The following MICAL1 variants were observed in gnomAD, a reference collection of about 807,000 sequenced individuals.
MICAL1 encodes the protein microtubule associated monooxygenase, calponin and LIM domain containing 1.
In MICAL1, 95 loss-of-function variants were observed where a neutral mutation model predicts 131.8. The ratio of observed to expected loss-of-function variants is 0.72; its 90% CI spans 0.61 to 0.86. The LOEUF is 0.86. MICAL1 is among the 40% of genes least tolerant of loss of function. The probability of loss-of-function intolerance (pLI) is 0.00; values close to 1 mark genes in which losing one functional copy is unlikely to be tolerated. For synonymous variants in MICAL1, 546 were observed against 554.2 expected, an observed-to-expected ratio of 0.99 and a Z score of 0.21; for missense variants, 1,292 against 1,380.6, an observed-to-expected ratio of 0.94 and a Z score of 1.02.
upstream of MICAL1, among the ~76,000 whole-genome samples, chr6:109,458,466 A>G (rs1168723027): frequency 2.6e-5 from 4 of 152,158 alleles, no homozygotes; most frequent in Non-Finnish European, 5.9e-5. Flanking sequence ...ATGGTGGCAC[A>G]TGCCTGTAAT....
chr6:109,462,122 G>C (rs1775903763), intron 1 of MICAL1, among the ~76,000 whole-genome samples: 1 of 152,218 alleles, frequency 6.6e-6, no homozygotes, highest in Admixed American at 6.5e-5. Flanking sequence ...GATTGTATTT[G>C]AAAAGATGAT....
In MICAL1 at chr6:109,448,316, C is replaced by A; in HGVS notation, c.1742G>T (p.Gly581Val). 6.2e-7 allele frequency: 1 copy of A among 1,613,996 alleles called. No individual in the cohort carries two copies. The highest frequency in any genetic ancestry group is 8.5e-7 in the Non-Finnish European group (1 of 1,180,016). Residue 581 changes from glycine to valine, a missense_variant, in exon 13 of 25, where the codon GGC becomes GTC. Coordinates refer to ENST00000358807, the MANE Select transcript of MICAL1 (RefSeq NM_022765.4). ...CTGTGCAGACACCACCGGTGTGATG[C>A]CCAGCTCATTCTCTGCCACCTTTAG... ...WALKVAENEL[G>V]ITPVVSAQAV...
intron 1 of MICAL1, chr6:109,465,412 C>A (rs1253189756): frequency 3.8e-6 from 2 of 531,346 alleles, no homozygotes; most frequent in Non-Finnish European, 6.7e-6. Flanking sequence ...AACTGTGTTG[C>A]CTAAGAAAAA....
rs148422524 is a variant in MICAL1 at position 109,446,340 on chromosome 6, C to T, written c.2377G>A (p.Gly793Ser). ...STPTASQEGA[G>S]PVPDPSQPTR... is the part of the protein sequence containing the mutation. Reference sequence around the variant, plus strand: ...GGCTGGCTGGGATCTGGAACAGGACCGGCCCCCTCCTGCGAGGCTGTGGGA... The same window carrying T: ...GGCTGGCTGGGATCTGGAACAGGACTGGCCCCCTCCTGCGAGGCTGTGGGA... Residue 793 changes from glycine (G) to serine (S), a missense_variant, in exon 19 of 25, where the codon GGT (glycine) becomes AGT (serine). Transcript: ENST00000358807. 48 of 1,613,212 alleles carry T rather than the reference C, an allele frequency of 3.0e-5. No homozygotes were observed. The highest frequency in any genetic ancestry group is 2.3e-4 in the Admixed American group (14 of 59,930).
At chr6:109,455,803 G>A (rs1775726033), upstream of MICAL1, 2 of 828,420 alleles carry the variant, frequency 2.4e-6, no homozygotes, top group Non-Finnish European at 2.9e-6. This position sits in a 1 kb window ranked among gnomAD's most constrained non-coding sequence, Gnocchi z 4.7. Context: ...GCGGGGGCGG[G>A]GGCGGAAACG....
At chr6:109,455,941 C>T (rs911165567), upstream of MICAL1, 6 of 985,490 alleles carry the variant, frequency 6.1e-6, no homozygotes, top group East Asian at 5.7e-4. This position sits in a 1 kb window ranked among gnomAD's most constrained non-coding sequence, Gnocchi z 4.7. Context: ...ATTAGCATCT[C>T]ATTACTTCTG....
At chr6:109,465,758 A>G (rs2115352685) in exon 1 of MICAL1, 2 of 1,613,044 alleles carry the variant, frequency 1.2e-6, no homozygotes, top group Non-Finnish European at 1.7e-6. Context: ...TCTGCAAGTC[A>G]ATGGTGTGGA....
intron 13 of MICAL1, 80 bp from the exon 14 acceptor site, chr6:109,448,043 CAGA>C (rs1775318571): frequency 1.4e-5 from 21 of 1,469,682 alleles, no homozygotes; most frequent in African/African-American, 5.8e-5. Flanking sequence ...CTCTCCAACC[CAGA>C]AGGACACCTC....
At chr6:109,454,457 A>G (rs962834102) in intron 1 of MICAL1, among the ~76,000 whole-genome samples, 1 of 152,128 alleles carries the variant, frequency 6.6e-6, no homozygotes, top group African/African-American at 2.4e-5. Context: ...AGTGAAAAAC[A>G]TTAGTCTTGG....
rs1362036573 is a variant in MICAL1, at chr6:109,447,286, T to C, written c.2071-57A>G. The stretch of plus-strand genomic sequence containing the variant: ...GGAGCCAAGGCCAGCTCCAAAGTTC[T>C]TTCCCTCCCATGAAACGCCCCTGCC... On this transcript the variant is annotated intron_variant, in intron 16 of 24. Transcript: ENST00000358807. 4 of 1,613,830 alleles carry C rather than the reference T, an allele frequency of 2.5e-6. No individual in the cohort carries two copies. In the East Asian group the frequency reaches 8.9e-5, roughly 36 times the overall value.
At chr6:109,459,295 C>G (rs970746005), upstream of MICAL1, among the ~76,000 whole-genome samples, 1 of 152,188 alleles carries the variant, frequency 6.6e-6, no homozygotes, top group Non-Finnish European at 1.5e-5. Context: ...TGAGCCCAAA[C>G]AGATCACCAC....
At chr6:109,451,517 C>T (rs1457277192) in intron 7 of MICAL1, 83 bp downstream of exon 7, 3 of 1,547,008 alleles carry the variant, frequency 1.9e-6, no homozygotes, top group Non-Finnish European at 2.6e-6. Flanking sequence ...GGTCCCCACA[C>T]CCAGGTGTCG....
chr6:109,450,727 T>G (rs1425872552), intron 7 of MICAL1, among the ~76,000 whole-genome samples, 170 bp from the exon 8 acceptor site: 3 of 152,176 alleles, frequency 2.0e-5, no homozygotes, highest in African/African-American at 7.2e-5. Context: ...TCCAGCAGCC[T>G]GGAATTCTCA....
At position 109,453,357 on chromosome 6, in the gene MICAL1, C is replaced by T; in HGVS notation, c.477G>A (p.Gln159=). 13 of 1,613,856 alleles carry T rather than the reference C, an allele frequency of 8.1e-6. No homozygotes were observed. Among genetic ancestry groups the T allele is most frequent in the Non-Finnish European group, 1.1e-5 (13 of 1,179,918 alleles). ...CTACCTTCAGCAGAAGCAGCTGGAG[C>T]TGCCTGATGCCTGGAAGGGAGAGGA... ...TGTLDHISIR[Q]LQLLLLKVAL... The change falls in exon 4 of 25, where the codon CAG becomes CAA. Residue 159 remains glutamine, a synonymous_variant. Transcript: ENST00000358807.
rs1775192797 is a variant in MICAL1, at chr6:109,445,862, G to C, written c.2582C>G (p.Ala861Gly). 1.3e-6 allele frequency: 2 copies of C among 1,599,462 alleles called. No homozygotes were observed. The highest frequency in any genetic ancestry group is 1.7e-6 in the Non-Finnish European group (2 of 1,172,336). The change falls in exon 20 of 25, where the codon GCT becomes GGT. Residue 861 changes from alanine to glycine, a missense_variant and splice_region_variant. Physicochemically the swap from Ala to Gly is moderately conservative, Grantham distance 60. Coordinates refer to ENST00000358807, the MANE Select transcript of MICAL1 (RefSeq NM_022765.4). ...GWGLPVQSPQ[A>G]LVAMEKEEKE... ...TTCCTCCTTCTCCATGGCCACAAGA[G>C]CTGAGAAGAAGAACTGAGACGTTCT...
Position 109,454,165 on chromosome 6 carries a change from T to C in MICAL1, c.32A>G (p.His11Arg), listed in dbSNP as rs773901018. The change falls in exon 2 of 25, where the codon CAT becomes CGT. Residue 11 changes from histidine to arginine, a missense_variant. By Grantham distance (29) the His-to-Arg change is conservative. Transcript: ENST00000358807. ...CTGCAGGAAGCTCTCAAAGTGGGCATGCGCTGGGTTGGTGGAGGTAGGTGA... is the reference window on the plus strand; with the variant it reads ...CTGCAGGAAGCTCTCAAAGTGGGCACGCGCTGGGTTGGTGGAGGTAGGTGA... MASPTSTNPA[H>R]AHFESFLQAQ... 6.2e-7 allele frequency: 1 copy of C among 1,608,656 alleles called. No homozygotes were observed. Among genetic ancestry groups the C allele is most frequent in the Admixed American group, 1.7e-5 (1 of 59,196 alleles).
rs770882341 is a variant in MICAL1 at position 109,465,606 on chromosome 6, T to C, written c.14+58A>G. The C allele has an allele frequency of 1.6e-4, 246 of 1,515,088 alleles. 1 individual carries two copies. The Middle Eastern group carries it at 3.3e-3, about 20-fold the overall frequency. The allele number at this position is 1,515,088 out of a possible 1,614,324, so 93.9% of individuals were successfully genotyped here. ...AAACTACCCGAGTCTTTATGAGACA[T>C]TGCAGATTAAAATGAAAACCATTCA... is the stretch of plus-strand genomic sequence containing the variant. On this transcript the variant is annotated intron_variant, in intron 1 of 24. Coordinates refer to the MICAL1 transcript ENST00000630715.
chr6:109,463,701 T>C (rs909514179), intron 1 of MICAL1: 5 of 152,198 alleles, frequency 3.3e-5, no homozygotes, highest in Admixed American at 2.6e-4. Flanking sequence ...GTGCAGAAAG[T>C]GTAAAATACA....
intron 3 of MICAL1, 113 bp from the exon 4 acceptor site, chr6:109,453,480 C>A (rs1365761198): frequency 2.7e-5 from 41 of 1,503,722 alleles, no homozygotes; most frequent in Non-Finnish European, 3.7e-5. Context: ...ATCACTCAGC[C>A]CAAAAGCCCA....
Sources: gnomAD v4.1 joint callset for allele counts (sites outside exome capture counted in the v4.1 genomes callset) on GRCh38, gnomAD v4.1.1 for gene constraint, Gnocchi (gnomAD v3.1) non-coding constraint, MANE v1.5 for transcripts, NCBI Gene and HGNC (gene_info 2026-07-23, HGNC 2026-07-21) for gene names.